The following XYLT1 variants were observed in gnomAD, a reference collection of about 807,000 sequenced individuals.
XYLT1 encodes xylosyltransferase 1, also known as beta-D-xylosyltransferase 1.
A neutral mutation model predicts 91.3 loss-of-function variants in XYLT1; 36 were observed. That is an observed-to-expected ratio of 0.39 (90% CI 0.30 to 0.52). The LOEUF (loss-of-function observed/expected upper bound fraction) is 0.52, where lower values mean the gene tolerates loss of function less well. Ranked by LOEUF, XYLT1 falls within the 20% of genes least tolerant of loss-of-function variation. XYLT1 has a pLI of 0.68. For synonymous variants in XYLT1, 588 were observed against 532.0 expected (o/e 1.11, Z -1.45); for missense variants, 1,242 against 1,284.5 (o/e 0.97, Z 0.51).
chr16:17,433,627 G>T (rs1377531850), intron 1 of XYLT1, among the ~76,000 whole-genome samples: 2 of 152,180 alleles, frequency 1.3e-5, no homozygotes, highest in African/African-American at 4.8e-5. Flanking sequence ...CATGACCCTG[G>T]TCATCTGGGT....
At chr16:17,452,443 AT>A (rs1445799493) in intron 1 of XYLT1, among the ~76,000 whole-genome samples, 2 of 151,396 alleles carry the variant, frequency 1.3e-5, no homozygotes, top group African/African-American at 2.4e-5. Flanking sequence ...AGCCTCAATT[AT>A]TTTTTTAATG....
At chr16:17,462,005 T>C (rs2036830297) in intron 1 of XYLT1, among the ~76,000 whole-genome samples, 1 of 152,192 alleles carries the variant, frequency 6.6e-6, no homozygotes, top group Admixed American at 6.5e-5. Flanking sequence ...AGTTGCAATG[T>C]TTGTGCCTCC....
At chr16:17,138,231 ATTAT>A (rs2030829915) in intron 8 of XYLT1, 120 bp downstream of exon 8, 2 of 731,802 alleles carry the variant, frequency 2.7e-6, no homozygotes, top group Non-Finnish European at 3.9e-6. Context: ...ACTATTATTA[ATTAT>A]CAACAGCCAG....
intron 1 of XYLT1, among the ~76,000 whole-genome samples, chr16:17,449,669 G>A (rs952455268): frequency 2.0e-5 from 3 of 152,202 alleles, no homozygotes; most frequent in Non-Finnish European, 4.4e-5. Flanking sequence ...CATGTAGTAT[G>A]TGCTTAATAA....
intron 3 of XYLT1, among the ~76,000 whole-genome samples, chr16:17,226,721 T>G (rs528468744): frequency 6.7e-6 from 1 of 150,242 alleles, no homozygotes; most frequent in Non-Finnish European, 1.5e-5. Flanking sequence ...AGGCAGAGAT[T>G]GCAGTGAGCC....
chr16:17,292,361 A>AC (rs1388034700), intron 2 of XYLT1, among the ~76,000 whole-genome samples: 1 of 152,216 alleles, frequency 6.6e-6, no homozygotes, highest in Non-Finnish European at 1.5e-5. Flanking sequence ...TGTGTCACAG[A>AC]CGAGATTCCT....
In XYLT1 at chr16:17,470,731, G is replaced by A; in HGVS notation, c.66C>T (p.Leu22=). The change falls in exon 1 of 12, where the codon CTC becomes CTT. Residue 22 remains leucine (L), a synonymous_variant. Coordinates refer to ENST00000261381, the MANE Select transcript of XYLT1 (RefSeq NM_022166.4). Reference sequence around the variant, plus strand: ...CCAGCGTCTGCAGCAGCAGCACCGTGAGCGCCGCGAGCAGCGCCGAGTGCG... The same window carrying A: ...CCAGCGTCTGCAGCAGCAGCACCGTAAGCGCCGCGAGCAGCGCCGAGTGCG... ...RRSHSALLAA[L]TVLLLQTLVV... is the part of the protein sequence containing the mutation. The A allele has an allele frequency of 8.7e-7, 1 of 1,143,942 alleles. No homozygotes were observed. Among genetic ancestry groups the A allele is most frequent in the South Asian group, 1.9e-5 (1 of 53,580 alleles). The allele number at this position is 1,143,942 out of a possible 1,614,324, so 70.9% of individuals were successfully genotyped here.
intron 3 of XYLT1, among the ~76,000 whole-genome samples, chr16:17,222,306 T>C (rs2032983432): frequency 6.6e-6 from 1 of 152,194 alleles, no homozygotes; most frequent in Admixed American, 6.5e-5. Context: ...ACATTTTTAT[T>C]TGTCACAACT....
At chr16:17,300,285 T>C (rs972960954) in intron 2 of XYLT1, among the ~76,000 whole-genome samples, 5 of 152,160 alleles carry the variant, frequency 3.3e-5, no homozygotes, top group African/African-American at 1.2e-4. Context: ...ACATTTAACT[T>C]GCATTTAAGC....
chr16:17,268,741 C>T (rs1179407183), intron 2 of XYLT1, among the ~76,000 whole-genome samples: 4 of 150,092 alleles, frequency 2.7e-5, no homozygotes, highest in East Asian at 3.9e-4. Context: ...GGTGCAATCT[C>T]GGCTCACCGC....
chr16:17,289,489 T>G (rs1031096841), intron 2 of XYLT1, among the ~76,000 whole-genome samples: 2 of 152,214 alleles, frequency 1.3e-5, no homozygotes, highest in Admixed American at 6.5e-5. Flanking sequence ...CCAGCGTAAG[T>G]GTGTCTCAAC....
chr16:17,202,834 A>G (rs558782485), intron 3 of XYLT1, among the ~76,000 whole-genome samples: 2 of 151,844 alleles, frequency 1.3e-5, no homozygotes, highest in East Asian at 3.9e-4. Flanking sequence ...AGAATCTGCA[A>G]CACTTGAACA....
At chr16:17,168,023 G>A (rs1240955126) in intron 5 of XYLT1, among the ~76,000 whole-genome samples, 1 of 152,168 alleles carries the variant, frequency 6.6e-6, no homozygotes, top group Admixed American at 6.5e-5. Flanking sequence ...GGAAGTCCAG[G>A]GTTGCAGACC....
intron 2 of XYLT1, among the ~76,000 whole-genome samples, chr16:17,282,741 C>T (rs1040755940): frequency 5.9e-5 from 9 of 152,150 alleles, no homozygotes; most frequent in South Asian, 2.1e-4. Flanking sequence ...ATTTTAGGGA[C>T]GAAGTGTAAA....
At chr16:17,323,676 C>T (rs9931187) in intron 2 of XYLT1, among the ~76,000 whole-genome samples, 22,784 of 152,064 alleles carry the variant, frequency 0.15, 2,115 homozygotes, top group African/African-American at 0.26. Flanking sequence ...GGAATCACTC[C>T]AGAGCTTACT....
intron 6 of XYLT1, among the ~76,000 whole-genome samples, chr16:17,154,757 C>T (rs2031365708): frequency 6.6e-6 from 1 of 152,148 alleles, no homozygotes; most frequent in South Asian, 2.1e-4. Context: ...ACTAGTTTGC[C>T]TTTATGCCAT....
chr16:17,311,087 C>T (rs1426034475), intron 2 of XYLT1, among the ~76,000 whole-genome samples: 1 of 152,174 alleles, frequency 6.6e-6, no homozygotes, highest in African/African-American at 2.4e-5. Context: ...TCCTTGCCTT[C>T]AGCCCAGGAT....
At chr16:17,227,159 G>A (rs1379016877) in intron 3 of XYLT1, 1 of 152,258 alleles carries the variant, frequency 6.6e-6, no homozygotes, top group African/African-American at 2.4e-5. Flanking sequence ...AACCAACAAC[G>A]TCAGTGCAAG....
At chr16:17,371,965 G>T (rs186381892) in intron 1 of XYLT1, among the ~76,000 whole-genome samples, 73 of 152,332 alleles carry the variant, frequency 4.8e-4, no homozygotes, top group African/African-American at 1.8e-3. Flanking sequence ...TATGGGATCT[G>T]TAGATTTTGT....
Sources: allele counts gnomAD v4.1 joint callset (sites outside exome capture counted in the v4.1 genomes callset), GRCh38; gene constraint gnomAD v4.1.1; transcripts MANE v1.5; gene names NCBI Gene and HGNC (gene_info 2026-07-23, HGNC 2026-07-21).